PCDHGA4: variants seen among roughly 807,000 people sequenced by gnomAD.
PCDHGA4 encodes the protein protocadherin gamma subfamily A, 4, also known as protocadherin gamma-A4.
Under a neutral mutation model 54.6 loss-of-function variants are expected in PCDHGA4, and 38 were observed. That is an observed-to-expected ratio of 0.70 (90% CI 0.54 to 0.91). The LOEUF is 0.91. Among genes scored for constraint, PCDHGA4 ranks in the 40% least tolerant of loss-of-function variants. The pLI, the probability that PCDHGA4 is intolerant of heterozygous loss-of-function variation, is 0.00. For synonymous variants in PCDHGA4, 511 were observed against 512.9 expected (o/e 1.00, Z 0.05); for missense variants, 1,298 against 1,220.9 (o/e 1.06, Z -0.94).
chr5:141,383,202 G>A, intron 1 of PCDHGA4: 1 of 1,614,060 alleles, frequency 6.2e-7, no homozygotes. Flanking sequence ...AGAGTGCGCG[G>A]TGTCTGGTAA....
At chr5:141,454,567 C>T (rs572130062) in intron 1 of PCDHGA4, among the ~76,000 whole-genome samples, 10 of 150,966 alleles carry the variant, frequency 6.6e-5, no homozygotes, top group South Asian at 2.1e-4. Context: ...CCACCACGCC[C>T]GGCTAATTTT....
Position 141,431,112 on chromosome 5 carries a change from GAGTAGA to G in PCDHGA4, c.2515-63684_2515-63679del, listed in dbSNP as rs764068262. On this transcript the variant is annotated intron_variant, in intron 1 of 3. Transcript: ENST00000571252. The surrounding 1 kb of genome is among the most constrained non-coding windows in gnomAD (Gnocchi z 4.8). ...ATGGAGGATAAAGTGAAAATATATG[GAGTAGA>G]AGTAGAAGTAAGGGACATTAACGAC... The G allele has an allele frequency of 1.7e-5, 28 of 1,614,128 alleles. No individual in the cohort carries two copies. The highest frequency in any genetic ancestry group is 3.3e-5 in the South Asian group (3 of 91,092).
At chr5:141,400,316 A>C in intron 1 of PCDHGA4, 1 of 1,614,042 alleles carries the variant, frequency 6.2e-7, no homozygotes. Flanking sequence ...CTCTGTGTCA[A>C]GTCTGGACCT....
intron 1 of PCDHGA4, among the ~76,000 whole-genome samples, chr5:141,484,723 G>T (rs930331672): frequency 1.3e-5 from 2 of 151,930 alleles, no homozygotes; most frequent in Non-Finnish European, 2.9e-5. Flanking sequence ...AAGGGGCGGG[G>T]TCAGTCGGTG....
chr5:141,409,541 G>A (rs1485327824), intron 1 of PCDHGA4: 5 of 1,613,852 alleles, frequency 3.1e-6, no homozygotes, highest in South Asian at 1.1e-5. Flanking sequence ...TGACATCAAC[G>A]ACAACGCCCC....
rs765818637 is a variant in PCDHGA4 at position 141,409,918 on chromosome 5, C to T, written c.2514+52297C>T. ...ACCCAGCTCTGGGTCCTGACGGCTC[C>T]GCGTTCTTCGATATGGTACCTCGCT... On this transcript the variant is annotated intron_variant, in intron 1 of 3. Coordinates refer to ENST00000571252, the MANE Select transcript of PCDHGA4 (RefSeq NM_018917.4). 1.9e-6 allele frequency: 3 copies of T among 1,613,222 alleles called. No individual in the cohort carries two copies. In the African/African-American group the frequency reaches 4.0e-5, roughly 22 times the overall value.
intron 1 of PCDHGA4, chr5:141,372,532 T>A: frequency 6.2e-7 from 1 of 1,614,022 alleles, no homozygotes; most frequent in East Asian, 2.2e-5. Context: ...GCAATCTCCC[T>A]GCGCCTGCGA....
At chr5:141,398,844 C>A in intron 1 of PCDHGA4, 1 of 1,613,966 alleles carries the variant, frequency 6.2e-7, no homozygotes, top group Non-Finnish European at 8.5e-7. Context: ...ATGATAATCC[C>A]CCGGTATTCA....
chr5:141,357,870 A>C, intron 1 of PCDHGA4: 1 of 550,962 alleles, frequency 1.8e-6, no homozygotes. Context: ...TAATTTTACA[A>C]CTCTGAGCCA....
chr5:141,489,794 T>TA lies in PCDHGA4; in HGVS notation c.2515-5009dup. The TA allele has an allele frequency of 1.2e-6, 2 of 1,614,120 alleles. No homozygotes were observed. The highest frequency in any genetic ancestry group is 2.2e-5 in the South Asian group (2 of 91,076). The stretch of plus-strand genomic sequence containing the variant: ...CACTTCTCTCTGAATGTGAAGACCC[T>TA]AAAAGATGGGAAGCCATTCCCAGAG... On this transcript the variant is annotated intron_variant, in intron 1 of 3. Transcript: ENST00000571252. This position sits in a 1 kb window ranked among gnomAD's most constrained non-coding sequence, Gnocchi z 4.5.
At chr5:141,426,896 C>A in intron 1 of PCDHGA4, 1 of 456,782 alleles carries the variant, frequency 2.2e-6, no homozygotes, top group Non-Finnish European at 4.4e-6. Context: ...AGCAACAGAG[C>A]TCTCATCTCC....
Position 141,491,078 on chromosome 5 carries a change from C to G in PCDHGA4, c.2515-3729C>G, listed in dbSNP as rs1386717886. The G allele has an allele frequency of 5.6e-6, 9 of 1,614,194 alleles. No homozygotes were observed. Among genetic ancestry groups the G allele is most frequent in the East Asian group, 4.5e-5 (2 of 44,882 alleles). ...CTCTCCTACTCACTGTTGCCACAGTCCACAGCCCCAGGACTGTTCCTCGTG... is the reference window on the plus strand; with the variant it reads ...CTCTCCTACTCACTGTTGCCACAGTGCACAGCCCCAGGACTGTTCCTCGTG... On this transcript the variant is annotated intron_variant, in intron 1 of 3. Transcript: ENST00000571252. This position sits in a 1 kb window ranked among gnomAD's most constrained non-coding sequence, Gnocchi z 6.9.
At chr5:141,498,796 G>C (rs1160540093) in intron 2 of PCDHGA4, among the ~76,000 whole-genome samples, 1 of 152,032 alleles carries the variant, frequency 6.6e-6, no homozygotes, top group African/African-American at 2.4e-5. Context: ...AGCCAGGTGT[G>C]GTGGTGCACA....
At chr5:141,412,441 G>A (rs1334085357) in intron 1 of PCDHGA4, 2 of 152,124 alleles carry the variant, frequency 1.3e-5, no homozygotes, top group Non-Finnish European at 2.9e-5. Context: ...GTTAATTAAG[G>A]CTCAGTAAAA....
intron 1 of PCDHGA4, chr5:141,422,516 G>A (rs575294611): frequency 1.2e-6 from 2 of 1,614,014 alleles, no homozygotes; most frequent in African/African-American, 1.3e-5. Context: ...GACCAGGGAA[G>A]CCCGCCTTTG....
chr5:141,459,939 G>A (rs377668643), intron 1 of PCDHGA4, among the ~76,000 whole-genome samples: 7 of 152,256 alleles, frequency 4.6e-5, no homozygotes, highest in Non-Finnish European at 7.4e-5. Flanking sequence ...GTAGCTGGGC[G>A]TGATGGCAGG....
chr5:141,433,090 C>T, intron 1 of PCDHGA4: 2 of 1,614,210 alleles, frequency 1.2e-6, no homozygotes, highest in Non-Finnish European at 1.7e-6. Flanking sequence ...ACTATGCAGA[C>T]ATGCTCGTCA....
chr5:141,357,087 A>C lies in PCDHGA4; in HGVS notation c.1980A>C (p.Ala660=). Residue 660 remains alanine, a synonymous_variant, in exon 1 of 4, where the codon GCA becomes GCC. Transcript: ENST00000571252. ...TGCACACAGGCGAGGTGCGCACCGC[A>C]CGGGCCCTGCTGGACAGAGACGCGC... ...VGLHTGEVRT[A]RALLDRDALK... is the part of the protein sequence containing the mutation. The C allele has an allele frequency of 6.2e-7, 1 of 1,613,882 alleles. No homozygotes were observed. The highest frequency in any genetic ancestry group is 8.5e-7 in the Non-Finnish European group (1 of 1,179,956).
At chr5:141,370,980 C>G (rs1197203581) in intron 1 of PCDHGA4, 8 of 1,613,868 alleles carry the variant, frequency 5.0e-6, no homozygotes, top group African/African-American at 1.3e-5. Context: ...AGAGCTAGTA[C>G]TGAAAGCACC....
Sources: allele counts gnomAD v4.1 joint callset (sites outside exome capture counted in the v4.1 genomes callset), GRCh38; gene constraint gnomAD v4.1.1; non-coding constraint Gnocchi (gnomAD v3.1); transcripts MANE v1.5; gene names NCBI Gene and HGNC (gene_info 2026-07-23, HGNC 2026-07-21).